Variants in FNDC3B observed in about 807,000 individuals in gnomAD.
FNDC3B encodes the protein fibronectin type III domain containing 3B.
FNDC3B carries 12 observed loss-of-function variants against 151.5 expected under a neutral mutation model. The ratio of observed to expected loss-of-function variants is 0.08; its 90% CI spans 0.05 to 0.13. The LOEUF is 0.13. FNDC3B is among the 10% of genes least tolerant of loss of function. The probability of loss-of-function intolerance (pLI) is 1.00; values close to 1 mark genes in which losing one functional copy is unlikely to be tolerated. For missense variants in FNDC3B, 1,214 were observed against 1,505.3 expected (o/e 0.81, Z 3.20); for synonymous variants, 528 against 549.0 (o/e 0.96, Z 0.54).
intron 4 of FNDC3B, among the ~76,000 whole-genome samples, chr3:172,233,538 G>A (rs1316316606): frequency 5.9e-5 from 9 of 152,210 alleles, no homozygotes; most frequent in African/African-American, 2.2e-4. Context: ...CACCTCTGTG[G>A]AGAAACAGTG....
Position 172,324,527 on chromosome 3 carries a change from A to T in FNDC3B, c.1255-4425A>T, listed in dbSNP as rs765692712. On this transcript the variant is annotated intron_variant, in intron 11 of 25. Coordinates refer to ENST00000415807, the MANE Select transcript of FNDC3B (RefSeq NM_022763.4). The stretch of plus-strand genomic sequence containing the variant: ...AGCACCTCAAGGTTTGTCTGCACAC[A>T]GTTGGTTTGTACTCCAAGATTTCTT... Among the ~76,000 whole-genome samples, 15 of 151,908 alleles carry T rather than the reference A, an allele frequency of 9.9e-5. No individual in the cohort carries two copies. The South Asian group carries it at 1.5e-3, about 15-fold the overall frequency.
At chr3:172,132,414 G>T (rs549384846) in intron 2 of FNDC3B, among the ~76,000 whole-genome samples, 129 of 152,136 alleles carry the variant, frequency 8.5e-4, no homozygotes, top group African/African-American at 3.0e-3. Flanking sequence ...TGGTGGTGGT[G>T]GTTGTTTTTG....
At chr3:172,188,705 C>G (rs543186289) in intron 3 of FNDC3B, among the ~76,000 whole-genome samples, 4 of 152,044 alleles carry the variant, frequency 2.6e-5, no homozygotes, top group Admixed American at 6.6e-5. Context: ...GCTCCCGGCC[C>G]GAAACTGAAG....
intron 6 of FNDC3B, among the ~76,000 whole-genome samples, chr3:172,275,312 T>C (rs1729381281): frequency 6.6e-6 from 1 of 152,098 alleles, no homozygotes; most frequent in Non-Finnish European, 1.5e-5. Context: ...GGGGGGGAAA[T>C]ATACATGCAG....
At chr3:172,046,085 CA>C (rs1227805357) in intron 1 of FNDC3B, among the ~76,000 whole-genome samples, 1 of 152,092 alleles carries the variant, frequency 6.6e-6, no homozygotes, top group Non-Finnish European at 1.5e-5. Flanking sequence ...AGTTGAAGAT[CA>C]GGGGACAGAA....
chr3:172,211,841 C>T (rs776926840), intron 3 of FNDC3B, among the ~76,000 whole-genome samples: 35 of 152,290 alleles, frequency 2.3e-4, no homozygotes, highest in Non-Finnish European at 4.7e-4. Context: ...AAACTTCAAG[C>T]ATTAAATGGG....
chr3:172,064,771 T>C (rs1395450050), intron 1 of FNDC3B, among the ~76,000 whole-genome samples: 1 of 152,218 alleles, frequency 6.6e-6, no homozygotes, highest in African/African-American at 2.4e-5. Flanking sequence ...TTTGGGCTCT[T>C]CAAATTTATA....
chr3:172,392,062 G>A (rs1197292136), intron 25 of FNDC3B, among the ~76,000 whole-genome samples: 2 of 152,200 alleles, frequency 1.3e-5, no homozygotes, highest in Non-Finnish European at 2.9e-5. Flanking sequence ...TTTCCTTGTG[G>A]TGTAGTCTGA....
chr3:172,300,643 G>T (rs1730860357), intron 9 of FNDC3B, among the ~76,000 whole-genome samples: 1 of 152,084 alleles, frequency 6.6e-6, no homozygotes, highest in Admixed American at 6.5e-5. Flanking sequence ...CTTGGGTCTA[G>T]ACTTTCTCCT....
chr3:172,329,385 CTT>C (rs556905314), intron 12 of FNDC3B: 69 of 278,214 alleles, frequency 2.5e-4, no homozygotes, highest in African/African-American at 1.4e-3. Flanking sequence ...GATCACATGC[CTT>C]TTTCTTTTAT....
chr3:172,142,271 C>G (rs550002844), intron 3 of FNDC3B, among the ~76,000 whole-genome samples: 1 of 152,276 alleles, frequency 6.6e-6, no homozygotes, highest in East Asian at 1.9e-4. Flanking sequence ...AAAGCCTATG[C>G]GAACTGGAGT....
chr3:172,378,448 A>G lies in FNDC3B; in HGVS notation c.3175+12A>G, dbSNP rs755692342. The G allele has an allele frequency of 3.1e-6, 5 of 1,589,204 alleles. No homozygotes were observed. Among genetic ancestry groups the G allele is most frequent in the Non-Finnish European group, 4.3e-6 (5 of 1,170,222 alleles). On this transcript the variant is annotated intron_variant, in intron 24 of 25. Coordinates refer to ENST00000415807, the MANE Select transcript of FNDC3B (RefSeq NM_022763.4). ...CCCCACCATCAAAGGTGTGTAGACT[A>G]TGTATTCTTTCTCGCTCTCTTGTGA...
chr3:172,379,028 G>A (rs1387409959), intron 24 of FNDC3B, among the ~76,000 whole-genome samples: 4 of 152,158 alleles, frequency 2.6e-5, no homozygotes, highest in Non-Finnish European at 2.9e-5. Context: ...CATATCTCTC[G>A]AAGCTAGTGA....
intron 1 of FNDC3B, among the ~76,000 whole-genome samples, chr3:172,054,621 A>G (rs947369570): frequency 6.6e-6 from 1 of 152,148 alleles, no homozygotes; most frequent in African/African-American, 2.4e-5. Context: ...TTCTCTGGAG[A>G]TTGTTTCCAC....
At chr3:172,154,877 T>C (rs1468935909) in intron 3 of FNDC3B, among the ~76,000 whole-genome samples, 2 of 152,060 alleles carry the variant, frequency 1.3e-5, no homozygotes, top group South Asian at 4.2e-4. Flanking sequence ...CTGTAATGGC[T>C]TCCCACCCTG....
At chr3:172,135,471 G>A (rs765306750) in intron 3 of FNDC3B, among the ~76,000 whole-genome samples, 1 of 152,144 alleles carries the variant, frequency 6.6e-6, no homozygotes, top group Non-Finnish European at 1.5e-5. Flanking sequence ...ACTCCTAACA[G>A]TGATTTCAAA....
Position 172,247,562 on chromosome 3 carries a change from G to T in FNDC3B, c.294G>T (p.Arg98=), listed in dbSNP as rs758076534. The T allele has an allele frequency of 1.2e-6, 2 of 1,613,876 alleles. No homozygotes were observed. The highest frequency in any genetic ancestry group is 2.7e-5 in the African/African-American group (2 of 74,866). The change falls in exon 5 of 26, where the codon CGG becomes CGT. Residue 98 remains arginine (R), a synonymous_variant. Transcript: ENST00000415807. The stretch of plus-strand genomic sequence containing the variant: ...TTGAAGATAGTACTGGAGTCCGCCG[G>T]GTGGTGGTCACACCCCAGTCTCCTG... The part of the protein sequence containing the change: ...QVIEDSTGVR[R]VVVTPQSPEC...
chr3:172,283,155 A>G (rs147756060), intron 6 of FNDC3B, among the ~76,000 whole-genome samples: 1 of 152,276 alleles, frequency 6.6e-6, no homozygotes, highest in African/African-American at 2.4e-5. Flanking sequence ...CTCTCTTTGG[A>G]AGTTGTTTTT....
intron 10 of FNDC3B, among the ~76,000 whole-genome samples, chr3:172,309,038 G>A (rs1731333929): frequency 6.6e-6 from 1 of 152,172 alleles, no homozygotes; most frequent in Non-Finnish European, 1.5e-5. Flanking sequence ...GCAACTTCAA[G>A]AAAGAATTTT....
Sources: allele counts gnomAD v4.1 joint callset (sites outside exome capture counted in the v4.1 genomes callset), GRCh38; gene constraint gnomAD v4.1.1; transcripts MANE v1.5; gene names NCBI Gene and HGNC (gene_info 2026-07-23, HGNC 2026-07-21).